CTPS2: variants seen among roughly 807,000 people sequenced by gnomAD.
The protein encoded by CTPS2 is CTP synthase II.
CTPS2 carries 19 observed loss-of-function variants against 46.8 expected under a neutral mutation model. The observed-to-expected ratio is 0.41, with a 90% confidence interval of 0.28 to 0.60. The LOEUF is 0.60. CTPS2 is among the 20% of genes least tolerant of loss of function. The probability of loss-of-function intolerance (pLI) is 0.35; values close to 1 mark genes in which losing one functional copy is unlikely to be tolerated. For missense variants in CTPS2, 286 were observed against 447.6 expected (o/e 0.64, Z 3.26); for synonymous variants, 151 against 165.2 (o/e 0.91, Z 0.66).
At chrX:16,593,308 A>C (rs766151012) in intron 17 of CTPS2, among the ~76,000 whole-genome samples, 2 of 108,539 alleles carry the variant, frequency 1.8e-5, no homozygotes, top group Non-Finnish European at 3.8e-5. Context: ...GGGCGCCTGT[A>C]GTCCCAGCTA....
chrX:16,623,290 T>C (rs1259902301), intron 14 of CTPS2, among the ~76,000 whole-genome samples: 1 of 111,663 alleles, frequency 9.0e-6, no homozygotes, highest in Non-Finnish European at 1.9e-5. Context: ...TTAGAGTTAT[T>C]TTTAAATGTA....
At chrX:16,615,402 G>A (rs776948554) in intron 16 of CTPS2, among the ~76,000 whole-genome samples, 2 of 111,638 alleles carry the variant, frequency 1.8e-5, no homozygotes, top group African/African-American at 6.5e-5. Flanking sequence ...TGCTGTTGTC[G>A]GAGCTCAGAA....
chrX:16,670,620 C>G lies in CTPS2; in HGVS notation c.1149G>C (p.Gln383His), dbSNP rs369198202. ...TCTTTGTCCTTGCCCAAGAAATCGC[C>G]TGGAGTTTTCCCAATGTTCCTCTGA... ...FGIRGTLGKL[Q>H]AISWARTKKI... The change falls in exon 11 of 19, where the codon CAG (glutamine) becomes CAC (histidine). Residue 383 changes from glutamine (Q) to histidine (H), a missense_variant. Transcript: ENST00000359276. 1.2e-5 allele frequency: 14 copies of G among 1,206,351 alleles called. No individual in the cohort carries two copies. The highest frequency in any genetic ancestry group is 3.6e-5 in the South Asian group (2 of 56,001).
intron 9 of CTPS2, among the ~76,000 whole-genome samples, chrX:16,681,096 G>A (rs1327283091): frequency 9.0e-6 from 1 of 111,391 alleles, no homozygotes. Context: ...TAAGGCAGGA[G>A]AATCACTTGA....
At chrX:16,691,772 G>T in intron 6 of CTPS2, 152 bp from the exon 7 acceptor site, 2 of 455,904 alleles carry the variant, frequency 4.4e-6, no homozygotes, top group Non-Finnish European at 7.8e-6. Flanking sequence ...ACTAATATAA[G>T]TATAATCAAA....
At chrX:16,663,981 G>A (rs185911083) in intron 13 of CTPS2, among the ~76,000 whole-genome samples, 18 of 110,714 alleles carry the variant, frequency 1.6e-4, no homozygotes, top group South Asian at 7.7e-4. Flanking sequence ...GACTACAGGC[G>A]CGTGCCACCA....
intron 6 of CTPS2, among the ~76,000 whole-genome samples, chrX:16,692,128 G>C (rs1339396951): frequency 9.0e-6 from 1 of 111,667 alleles, no homozygotes; most frequent in East Asian, 2.8e-4. Flanking sequence ...TGGATCACCT[G>C]CTATAAGGAC....
intron 13 of CTPS2, among the ~76,000 whole-genome samples, chrX:16,663,006 T>A (rs904971567): frequency 9.0e-6 from 1 of 111,619 alleles, no homozygotes; most frequent in Non-Finnish European, 1.9e-5. Context: ...AAACTAAATA[T>A]GAGACTGGTT....
chrX:16,688,377 G>T (rs1923414946), intron 8 of CTPS2, among the ~76,000 whole-genome samples: 1 of 108,804 alleles, frequency 9.2e-6, no homozygotes, highest in East Asian at 2.9e-4. Flanking sequence ...TCCAGCCTGG[G>T]CGACACAGTG....
At chrX:16,705,793 C>T (rs1924950384) in intron 1 of CTPS2, among the ~76,000 whole-genome samples, 1 of 110,498 alleles carries the variant, frequency 9.0e-6, no homozygotes, top group African/African-American at 3.3e-5. Context: ...CCTTTGCAGG[C>T]TGTTACAGCC....
intron 10 of CTPS2, among the ~76,000 whole-genome samples, chrX:16,671,583 C>T (rs749033769): frequency 1.9e-4 from 18 of 97,059 alleles, no homozygotes; most frequent in South Asian, 5.6e-4. Flanking sequence ...GGCGCGATCT[C>T]GGCCCTCTCC....
At chrX:16,710,883 C>T (rs765990091) in intron 1 of CTPS2, among the ~76,000 whole-genome samples, 47 of 112,427 alleles carry the variant, frequency 4.2e-4, no homozygotes, top group Non-Finnish European at 2.6e-4. Flanking sequence ...TCCCAAAGTG[C>T]TGGGATTACA....
intron 13 of CTPS2, among the ~76,000 whole-genome samples, chrX:16,645,436 G>A (rs1233588165): frequency 9.0e-6 from 1 of 110,974 alleles, no homozygotes; most frequent in Non-Finnish European, 1.9e-5. Flanking sequence ...CAGACGGGAA[G>A]GGAGGGGTGG....
chrX:16,622,427 GA>G (rs1226094772), intron 14 of CTPS2, among the ~76,000 whole-genome samples: 1 of 108,563 alleles, frequency 9.2e-6, no homozygotes, highest in Non-Finnish European at 1.9e-5. Flanking sequence ...AAAAAAGAAA[GA>G]AAAAGAAAAA....
intron 8 of CTPS2, among the ~76,000 whole-genome samples, chrX:16,688,268 C>T (rs1490067779): frequency 1.8e-5 from 2 of 110,428 alleles, no homozygotes; most frequent in African/African-American, 6.6e-5. Context: ...GGCATGGTGG[C>T]GGGCGCCTGT....
At chrX:16,706,316 G>T (rs1182092071) in intron 1 of CTPS2, among the ~76,000 whole-genome samples, 1 of 108,838 alleles carries the variant, frequency 9.2e-6, no homozygotes, top group Non-Finnish European at 1.9e-5. Context: ...CCAGCTACTT[G>T]CGGGGCTGAA....
intron 10 of CTPS2, among the ~76,000 whole-genome samples, chrX:16,677,592 G>A (rs1289857815): frequency 3.6e-5 from 4 of 111,853 alleles, no homozygotes; most frequent in African/African-American, 1.3e-4. Flanking sequence ...ATAAGGCTGA[G>A]ACCTACTGGA....
intron 1 of CTPS2, among the ~76,000 whole-genome samples, chrX:16,709,848 CAAAA>C (rs35017705): frequency 4.2e-5 from 1 of 23,752 alleles, no homozygotes; most frequent in Non-Finnish European, 6.7e-5. Context: ...ACTCTGTCTC[CAAAA>C]AAAAAAAAAA....
intron 14 of CTPS2, among the ~76,000 whole-genome samples, chrX:16,634,261 A>G (rs1931628092): frequency 8.9e-6 from 1 of 112,091 alleles, no homozygotes; most frequent in Non-Finnish European, 1.9e-5. Context: ...ATAATTATAC[A>G]TATTTATGGG....
Sources: allele counts gnomAD v4.1 joint callset (sites outside exome capture counted in the v4.1 genomes callset), GRCh38; gene constraint gnomAD v4.1.1; transcripts MANE v1.5; gene names NCBI Gene and HGNC (gene_info 2026-07-23, HGNC 2026-07-21).